CPA6: variants seen among roughly 807,000 people sequenced by gnomAD.
The protein encoded by CPA6 is carboxypeptidase A6.
A neutral mutation model predicts 63.3 loss-of-function variants in CPA6; 58 were observed. That is an observed-to-expected ratio of 0.92 (90% CI 0.74 to 1.14). The LOEUF (loss-of-function observed/expected upper bound fraction) is 1.14, where lower values mean the gene tolerates loss of function less well. CPA6 is among the 50% of genes most tolerant of loss of function. The pLI is 0.00. For missense variants in CPA6, 565 were observed against 526.6 expected (o/e 1.07, Z -0.71); for synonymous variants, 185 against 179.0 (o/e 1.03, Z -0.27).
At chr8:67,429,076 C>T (rs1809960202) in intron 9 of CPA6, among the ~76,000 whole-genome samples, 1 of 152,094 alleles carries the variant, frequency 6.6e-6, no homozygotes, top group Non-Finnish European at 1.5e-5. Context: ...ATGTGCTTAT[C>T]CTCACTAGGA....
At chr8:67,498,305 G>A (rs113274775) in intron 6 of CPA6, among the ~76,000 whole-genome samples, 9,811 of 152,022 alleles carry the variant, frequency 0.065, 732 homozygotes, top group African/African-American at 0.18. Flanking sequence ...AGAGGCTGAG[G>A]CGGGTGGATC....
intron 2 of CPA6, among the ~76,000 whole-genome samples, chr8:67,564,362 G>A (rs1813287100): frequency 6.6e-6 from 1 of 150,856 alleles, no homozygotes; most frequent in South Asian, 2.1e-4. Flanking sequence ...GGCAGCCTGT[G>A]CTTCTATTTC....
chr8:67,510,359 A>G (rs1050381360), intron 4 of CPA6, among the ~76,000 whole-genome samples: 2 of 152,138 alleles, frequency 1.3e-5, no homozygotes, highest in Non-Finnish European at 2.9e-5. Flanking sequence ...GAAAGTACCC[A>G]TATATTCTTT....
chr8:67,626,378 G>C (rs1225268458), intron 1 of CPA6, among the ~76,000 whole-genome samples: 1 of 152,048 alleles, frequency 6.6e-6, no homozygotes, highest in African/African-American at 2.4e-5. Context: ...TCCTGTAATA[G>C]CTCCTTTAGG....
chr8:67,593,506 T>C (rs1372085289), intron 2 of CPA6, among the ~76,000 whole-genome samples: 1 of 152,176 alleles, frequency 6.6e-6, no homozygotes, highest in Non-Finnish European at 1.5e-5. Flanking sequence ...CCCATTATTA[T>C]TGTGTGGGAG....
chr8:67,597,681 TG>T (rs2128982662), intron 2 of CPA6, among the ~76,000 whole-genome samples: 1 of 152,328 alleles, frequency 6.6e-6, no homozygotes, highest in South Asian at 2.1e-4. Context: ...TTTCTACTTT[TG>T]TTTTTAATTC....
intron 1 of CPA6, among the ~76,000 whole-genome samples, chr8:67,680,548 A>G (rs1308619069): frequency 6.6e-6 from 1 of 152,148 alleles, no homozygotes; most frequent in East Asian, 1.9e-4. Context: ...CAAAACACAC[A>G]GACATACATA....
At chr8:67,505,182 C>A (rs950266917) in intron 6 of CPA6, among the ~76,000 whole-genome samples, 4 of 152,134 alleles carry the variant, frequency 2.6e-5, no homozygotes, top group Admixed American at 1.3e-4. Context: ...AAGTCATCAT[C>A]CAGAAATCTT....
chr8:67,538,216 T>C (rs1042254290), intron 2 of CPA6, among the ~76,000 whole-genome samples: 2 of 152,154 alleles, frequency 1.3e-5, no homozygotes, highest in Non-Finnish European at 2.9e-5. Flanking sequence ...TTGTCCAGAG[T>C]TGAGTTCAAA....
intron 2 of CPA6, among the ~76,000 whole-genome samples, chr8:67,594,805 C>T (rs998542100): frequency 7.2e-5 from 11 of 152,160 alleles, no homozygotes; most frequent in African/African-American, 2.7e-4. Flanking sequence ...AAGTTTTCAA[C>T]TTCTTTGCCT....
At position 67,422,525 on chromosome 8, in the gene CPA6, G is replaced by A; in HGVS notation, c.1293C>T (p.His431=). ...TGTCTCAGGGACATTTCTTTAGCAG[G>A]TGCATTGTGATATTTTTCACAGCCA... ...TMLAVKNITM[H]LLKKCP Residue 431 remains histidine, a synonymous_variant, in exon 11 of 11, where the codon CAC becomes CAT. Transcript: ENST00000297770. The A allele has an allele frequency of 6.2e-7, 1 of 1,614,032 alleles. No individual in the cohort carries two copies. Among genetic ancestry groups the A allele is most frequent in the Non-Finnish European group, 8.5e-7 (1 of 1,179,934 alleles).
chr8:67,499,414 TA>T (rs1255145364), intron 6 of CPA6, among the ~76,000 whole-genome samples: 2 of 152,210 alleles, frequency 1.3e-5, no homozygotes, highest in Non-Finnish European at 2.9e-5. Flanking sequence ...GCCTGGCTAT[TA>T]TTTTTATAAT....
intron 6 of CPA6, among the ~76,000 whole-genome samples, chr8:67,500,929 C>T (rs1481524336): frequency 6.6e-6 from 1 of 151,902 alleles, no homozygotes; most frequent in Non-Finnish European, 1.5e-5. Flanking sequence ...TATGTCTATT[C>T]TTTCACCAAT....
intron 8 of CPA6, among the ~76,000 whole-genome samples, chr8:67,436,877 A>T: frequency 6.6e-6 from 1 of 152,206 alleles, no homozygotes; most frequent in Non-Finnish European, 1.5e-5. Flanking sequence ...AAACTAGTAG[A>T]AAATATTTGG....
chr8:67,547,435 A>C (rs1462670835), intron 2 of CPA6, among the ~76,000 whole-genome samples: 1 of 152,230 alleles, frequency 6.6e-6, no homozygotes, highest in Non-Finnish European at 1.5e-5. Flanking sequence ...AAGTGAAAAA[A>C]GACTAAGATA....
intron 3 of CPA6, among the ~76,000 whole-genome samples, chr8:67,515,550 C>T (rs902827400): frequency 2.6e-5 from 4 of 152,192 alleles, no homozygotes; most frequent in East Asian, 1.9e-4. Flanking sequence ...TCTTATACGC[C>T]GTGAATCTTC....
chr8:67,611,176 A>T (rs1814798921), intron 2 of CPA6, among the ~76,000 whole-genome samples: 1 of 151,598 alleles, frequency 6.6e-6, no homozygotes, highest in African/African-American at 2.4e-5. Flanking sequence ...TCCACCTCCC[A>T]GGTTCAAGTG....
chr8:67,649,081 G>A (rs1351175825), intron 1 of CPA6, among the ~76,000 whole-genome samples: 1 of 151,896 alleles, frequency 6.6e-6, no homozygotes. Flanking sequence ...CACACAGAAG[G>A]CAAAAGAGCA....
intron 1 of CPA6, among the ~76,000 whole-genome samples, chr8:67,674,869 C>T (rs778443919): frequency 2.0e-5 from 3 of 152,108 alleles, no homozygotes; most frequent in Non-Finnish European, 4.4e-5. Context: ...ATGTCTTTTG[C>T]AGCAACATGG....
Sources: allele counts gnomAD v4.1 joint callset (sites outside exome capture counted in the v4.1 genomes callset), GRCh38; gene constraint gnomAD v4.1.1; transcripts MANE v1.5; gene names NCBI Gene and HGNC (gene_info 2026-07-23, HGNC 2026-07-21).